Variants in TEX9 observed in about 807,000 individuals in gnomAD.
TEX9 encodes testis-expressed protein 9.
In TEX9, 74 loss-of-function variants were observed where a neutral mutation model predicts 59.6. The ratio of observed to expected loss-of-function variants is 1.24; its 90% CI spans 1.03 to 1.51. The LOEUF (loss-of-function observed/expected upper bound fraction) is 1.51, where lower values mean the gene tolerates loss of function less well. Ranked by LOEUF, TEX9 falls within the 40% of genes most tolerant of loss-of-function variation. The pLI is 0.00. For synonymous variants in TEX9, 186 were observed against 152.2 expected, an observed-to-expected ratio of 1.22 and a Z score of -1.64; for missense variants, 522 against 447.8, an observed-to-expected ratio of 1.17 and a Z score of -1.49.
chr15:56,436,030 T>A (rs1465760488), intron 12 of TEX9, among the ~76,000 whole-genome samples: 1 of 151,796 alleles, frequency 6.6e-6, no homozygotes, highest in Non-Finnish European at 1.5e-5. Flanking sequence ...GAAGAAAAAG[T>A]CATAATCATA....
chr15:56,338,570 G>GGTT (rs5812834), intron 1 of TEX9, among the ~76,000 whole-genome samples: 136,135 of 152,022 alleles, frequency 0.9, 61,805 homozygotes, highest in Non-Finnish European at 0.98. Flanking sequence ...TATTTGAAAT[G>GGTT]GTTATTATTT....
At chr15:56,253,114 T>A (rs1296782851) in intron 1 of TEX9, among the ~76,000 whole-genome samples, 2 of 152,058 alleles carry the variant, frequency 1.3e-5, no homozygotes, top group Non-Finnish European at 2.9e-5. Flanking sequence ...TATAGTCTGA[T>A]AAAGCACAGG....
chr15:56,373,514 T>G lies in TEX9; in HGVS notation c.183+10T>G. The stretch of plus-strand genomic sequence containing the variant: ...AGCTAAGGAAATAATAGTAAGTATA[T>G]GTACAATTATTAATAATTCTATATA... On this transcript the variant is annotated intron_variant, in intron 3 of 12. Transcript: ENST00000352903. The G allele has an allele frequency of 6.5e-7, 1 of 1,533,608 alleles. No homozygotes were observed. Among genetic ancestry groups the G allele is most frequent in the Non-Finnish European group, 8.7e-7 (1 of 1,149,242 alleles).
chr15:56,343,947 G>A (rs1441657241), intron 1 of TEX9, among the ~76,000 whole-genome samples: 1 of 152,096 alleles, frequency 6.6e-6, no homozygotes, highest in African/African-American at 2.4e-5. Context: ...TCAGGAAAAT[G>A]CAAATCCAAA....
chr15:56,246,420 G>C lies in TEX9; in HGVS notation c.-107+2142G>C, dbSNP rs561064067. On this transcript the variant is annotated intron_variant, in intron 1 of 5. Transcript: ENST00000560827. ...TACTCACTTAACATCTGGGAGTACA[G>C]TGGGTGTTTTGTTCCAGTCTTCAGA... is the stretch of plus-strand genomic sequence containing the variant. Among the ~76,000 whole-genome samples the C allele has an allele frequency of 5.3e-5, 8 of 152,322 alleles. No homozygotes were observed. The South Asian group carries it at 1.7e-3, about 32-fold the overall frequency.
exon 9 of TEX9, chr15:56,394,735 T>A: frequency 6.2e-7 from 1 of 1,611,562 alleles, no homozygotes; most frequent in Non-Finnish European, 8.5e-7. Flanking sequence ...AGCGAACAAT[T>A]AATATGCAAC....
At chr15:56,433,651 A>G (rs1167796857) in intron 12 of TEX9, among the ~76,000 whole-genome samples, 3 of 152,076 alleles carry the variant, frequency 2.0e-5, no homozygotes, top group African/African-American at 7.2e-5. Context: ...CTCATCTCTT[A>G]TCTACCTTCA....
At chr15:56,331,070 A>G (rs550565936) in intron 1 of TEX9, among the ~76,000 whole-genome samples, 11 of 152,360 alleles carry the variant, frequency 7.2e-5, no homozygotes, top group African/African-American at 2.6e-4. Flanking sequence ...GTCATTATGT[A>G]AAGATACAAG....
chr15:56,261,869 G>A (rs2044277575), intron 1 of TEX9, among the ~76,000 whole-genome samples: 1 of 152,066 alleles, frequency 6.6e-6, no homozygotes, highest in African/African-American at 2.4e-5. Flanking sequence ...ATGCCACCCA[G>A]GCCTAAGATC....
At chr15:56,369,335 G>A (rs1159316098) in intron 2 of TEX9, among the ~76,000 whole-genome samples, 4 of 150,606 alleles carry the variant, frequency 2.7e-5, no homozygotes, top group African/African-American at 7.3e-5. Flanking sequence ...GACTACAGGC[G>A]CATGGCACCA....
intron 1 of TEX9, among the ~76,000 whole-genome samples, chr15:56,266,478 C>A (rs1481469270): frequency 6.8e-6 from 1 of 147,742 alleles, no homozygotes; most frequent in Non-Finnish European, 1.5e-5. Context: ...GTCCCCCATC[C>A]CCCCCACCCA....
At chr15:56,309,411 G>A (rs1372514273) in intron 1 of TEX9, among the ~76,000 whole-genome samples, 4 of 152,130 alleles carry the variant, frequency 2.6e-5, no homozygotes, top group African/African-American at 7.2e-5. Context: ...ATCCCAGTTG[G>A]TTGTAGTGTA....
chr15:56,283,712 A>G (rs528839457), intron 1 of TEX9, among the ~76,000 whole-genome samples: 1 of 152,174 alleles, frequency 6.6e-6, no homozygotes, highest in African/African-American at 2.4e-5. Flanking sequence ...AATGAAAAAA[A>G]TTAATATTTA....
At chr15:56,386,294 G>A (rs1440414569) in intron 4 of TEX9, among the ~76,000 whole-genome samples, 2 of 151,724 alleles carry the variant, frequency 1.3e-5, no homozygotes, top group Non-Finnish European at 2.9e-5. Context: ...GGACTACCAA[G>A]GAACACAAGG....
intron 9 of TEX9, among the ~76,000 whole-genome samples, chr15:56,398,928 T>C (rs1050785522): frequency 3.3e-5 from 5 of 152,134 alleles, no homozygotes; most frequent in African/African-American, 1.2e-4. Flanking sequence ...GGTCAGGAGA[T>C]CGAGACCATC....
At chr15:56,415,140 T>C (rs1039871901) in intron 10 of TEX9, among the ~76,000 whole-genome samples, 1 of 151,868 alleles carries the variant, frequency 6.6e-6, no homozygotes, top group Non-Finnish European at 1.5e-5. Flanking sequence ...TATCAGACCT[T>C]TATCAGATGC....
At chr15:56,287,891 T>C (rs1334898885) in intron 1 of TEX9, among the ~76,000 whole-genome samples, 4 of 152,148 alleles carry the variant, frequency 2.6e-5, no homozygotes, top group African/African-American at 9.7e-5. Context: ...CCGTTGTGTA[T>C]ATATATATTT....
At chr15:56,332,854 C>T (rs1293687513) in intron 1 of TEX9, among the ~76,000 whole-genome samples, 1 of 151,960 alleles carries the variant, frequency 6.6e-6, no homozygotes, top group Non-Finnish European at 1.5e-5. Context: ...ACTGATAAAG[C>T]AGAAGCTTGA....
chr15:56,451,042 C>G, the TEX9 span, among the ~76,000 whole-genome samples: 1 of 152,002 alleles, frequency 6.6e-6, no homozygotes, highest in Non-Finnish European at 1.5e-5. Context: ...TTTAGAGAAA[C>G]GTCTAAGTTC....
Sources: gnomAD v4.1 joint callset for allele counts (sites outside exome capture counted in the v4.1 genomes callset) on GRCh38, gnomAD v4.1.1 for gene constraint, MANE v1.5 for transcripts, NCBI Gene and HGNC (gene_info 2026-07-23, HGNC 2026-07-21) for gene names.